Variants in ITPKA observed in about 807,000 individuals in gnomAD.
ITPKA encodes the protein IP3 3-kinase A.
A neutral mutation model predicts 40.7 loss-of-function variants in ITPKA; 16 were observed. The observed-to-expected ratio is 0.39, with a 90% CI of 0.27 to 0.60. The LOEUF (loss-of-function observed/expected upper bound fraction) is 0.60. Ranked by LOEUF, ITPKA falls within the 20% of genes least tolerant of loss-of-function variation. The pLI is 0.50. For synonymous variants in ITPKA, 313 were observed against 289.9 expected (o/e 1.08, Z -0.81); for missense variants, 540 against 649.3 (o/e 0.83, Z 1.83).
intron 1 of ITPKA, 84 bp from the exon 2 acceptor site, chr15:41,501,379 C>A (rs2051108797): frequency 6.5e-7 from 1 of 1,528,440 alleles, no homozygotes; most frequent in African/African-American, 1.4e-5. Context: ...GGGTCGGGGG[C>A]GTGGCGAGAC....
Position 41,494,155 on chromosome 15 carries a change from C to T in ITPKA, c.228C>T (p.Ala76=). ...VPNGLPRAPP[A]PVIPQLTVTA... ...ACGGGCTTCCGCGGGCTCCCCCGGC[C>T]CCGGTGATCCCTCAGCTGACCGTGA... The change falls in exon 1 of 7, where the codon GCC becomes GCT. Residue 76 remains alanine, a synonymous_variant. Transcript: ENST00000260386. The surrounding 1 kb of genome is among the most constrained non-coding windows in gnomAD (Gnocchi z 7.8). 6.8e-7 allele frequency: 1 copy of T among 1,476,128 alleles called. No homozygotes were observed. The highest frequency in any genetic ancestry group is 9.0e-7 in the Non-Finnish European group (1 of 1,117,228). 91.4% of individuals were successfully genotyped at this position (1,476,128 alleles called of 1,614,324 possible). A position where few individuals can be genotyped will look rare whatever the true frequency, so the allele number is the denominator to read the frequency against.
chr15:41,494,409 T>TG lies in ITPKA; in HGVS notation c.485dup (p.Gln163SerfsTer37), dbSNP rs1369003424. 6.8e-7 allele frequency: 1 copy of TG among 1,469,710 alleles called. No homozygotes were observed. The highest frequency in any genetic ancestry group is 9.0e-7 in the Non-Finnish European group (1 of 1,111,696). The allele number at this position is 1,469,710 out of a possible 1,614,324, so 91.0% of individuals were successfully genotyped here. A position where few individuals can be genotyped will look rare whatever the true frequency, so the allele number is the denominator to read the frequency against. On this transcript the variant is annotated frameshift_variant, in exon 1 of 7. Transcript: ENST00000260386. LOFTEE classifies it high-confidence loss of function. The surrounding 1 kb of genome is among the most constrained non-coding windows in gnomAD (Gnocchi z 7.8). Reference sequence around the variant, plus strand: ...GTGCAGCTGGAAGCGGGCGAGGACGTGGGTCAGGTACGGGCCGCGGGGGCG... The same window carrying TG: ...GTGCAGCTGGAAGCGGGCGAGGACGTGGGGTCAGGTACGGGCCGCGGGGGCG...
intron 1 of ITPKA, among the ~76,000 whole-genome samples, chr15:41,498,923 A>G (rs987439788): frequency 6.6e-6 from 1 of 152,212 alleles, no homozygotes; most frequent in Non-Finnish European, 1.5e-5. Flanking sequence ...TGATAGCTTC[A>G]GCCAGAGATT....
chr15:41,502,522 A>C lies in ITPKA; in HGVS notation c.1110+19A>C. ...AGTGCTGGTGAGAGCGGGATCCCAA[A>C]CCCTGAGGTGTTGGGGAGCCTGAAG... is the stretch of plus-strand genomic sequence containing the variant. On this transcript the variant is annotated intron_variant, in intron 5 of 6. Coordinates refer to ENST00000260386, the MANE Select transcript of ITPKA (RefSeq NM_002220.3). 1 of 1,416,216 alleles carries C rather than the reference A, an allele frequency of 7.1e-7. No homozygotes were observed. Among genetic ancestry groups the C allele is most frequent in the Non-Finnish European group, 1.0e-6 (1 of 1,001,468 alleles). 87.7% of individuals were successfully genotyped at this position (1,416,216 alleles called of 1,614,324 possible).
intron 1 of ITPKA, among the ~76,000 whole-genome samples, chr15:41,495,293 A>C (rs2051062856): frequency 6.6e-6 from 1 of 152,174 alleles, no homozygotes; most frequent in Non-Finnish European, 1.5e-5. Flanking sequence ...AGCGCGAAGG[A>C]CTTTCTTTAG....
At chr15:41,498,610 A>T (rs890818829) in intron 1 of ITPKA, among the ~76,000 whole-genome samples, 4 of 152,148 alleles carry the variant, frequency 2.6e-5, no homozygotes, top group African/African-American at 9.7e-5. Flanking sequence ...CCTCTTCACT[A>T]AGTCCATTCT....
chr15:41,494,446 G>A lies in ITPKA; in HGVS notation c.489+30G>A, dbSNP rs2051055807. 8 of 1,365,326 alleles carry A rather than the reference G, an allele frequency of 5.9e-6. No homozygotes were observed. Among genetic ancestry groups the A allele is most frequent in the African/African-American group, 1.5e-5 (1 of 65,620 alleles). The allele number at this position is 1,365,326 out of a possible 1,614,324, so 84.6% of individuals were successfully genotyped here. ...GGGCCGCGGGGGCGGGGCCAGCGCCGGGCGCGGGGGCTGCACGGGGGACCT... is the reference window on the plus strand; with the variant it reads ...GGGCCGCGGGGGCGGGGCCAGCGCCAGGCGCGGGGGCTGCACGGGGGACCT... On this transcript the variant is annotated intron_variant, in intron 1 of 6. Coordinates refer to ENST00000260386, the MANE Select transcript of ITPKA (RefSeq NM_002220.3). The surrounding 1 kb of genome is among the most constrained non-coding windows in gnomAD (Gnocchi z 7.8).
rs2051123375 is a variant in ITPKA, at chr15:41,502,459, C to T, written c.1066C>T (p.Leu356Phe). Residue 356 changes from leucine (L) to phenylalanine (F), a missense_variant, in exon 5 of 7, where the codon CTT (leucine) becomes TTT (phenylalanine). Coordinates refer to ENST00000260386, the MANE Select transcript of ITPKA (RefSeq NM_002220.3). Reference sequence around the variant, plus strand: ...GACTACGCGAAGCCGAGAGCAGGTGCTTCGCGTCTTTGAAGAGTTTGTGCA... The same window carrying T: ...GACTACGCGAAGCCGAGAGCAGGTGTTTCGCGTCTTTGAAGAGTTTGTGCA... ...FKTTRSREQV[L>F]RVFEEFVQGD... 2 of 1,603,628 alleles carry T rather than the reference C, an allele frequency of 1.2e-6. No homozygotes were observed. Among genetic ancestry groups the T allele is most frequent in the Non-Finnish European group, 1.7e-6 (2 of 1,171,190 alleles).
At chr15:41,495,613 C>T (rs997110418) in intron 1 of ITPKA, among the ~76,000 whole-genome samples, 1 of 151,154 alleles carries the variant, frequency 6.6e-6, no homozygotes, top group African/African-American at 2.4e-5. Flanking sequence ...GCCGCTTCCC[C>T]TTCTTCCCCG....
Position 41,494,200 on chromosome 15 carries a change from G to GC in ITPKA, c.278dup (p.Thr94AspfsTer53). On this transcript the variant is annotated frameshift_variant, in exon 1 of 7. Coordinates refer to ENST00000260386, the MANE Select transcript of ITPKA (RefSeq NM_002220.3). LOFTEE classifies it high-confidence loss of function. The surrounding 1 kb of genome is among the most constrained non-coding windows in gnomAD (Gnocchi z 7.8). ...CCGTGACAGCCGAGGAGCCCGACGT[G>GC]CCCCCGACCAGCCCTGGGCCGCCGG... 2 of 1,524,220 alleles carry GC rather than the reference G, an allele frequency of 1.3e-6. No individual in the cohort carries two copies. The highest frequency in any genetic ancestry group is 8.7e-7 in the Non-Finnish European group (1 of 1,143,058). 94.4% of individuals were successfully genotyped at this position (1,524,220 alleles called of 1,614,324 possible).
chr15:41,494,204 C>A lies in ITPKA; in HGVS notation c.277C>A (p.Pro93Thr). 1.3e-6 allele frequency: 2 copies of A among 1,526,014 alleles called. No homozygotes were observed. The highest frequency in any genetic ancestry group is 1.7e-6 in the Non-Finnish European group (2 of 1,143,810). The allele number at this position is 1,526,014 out of a possible 1,614,324, so 94.5% of individuals were successfully genotyped here. A position where few individuals can be genotyped will look rare whatever the true frequency, so the allele number is the denominator to read the frequency against. The change falls in exon 1 of 7, where the codon CCG becomes ACG. Residue 93 changes from proline to threonine, a missense_variant. Coordinates refer to ENST00000260386, the MANE Select transcript of ITPKA (RefSeq NM_002220.3). This position sits in a 1 kb window ranked among gnomAD's most constrained non-coding sequence, Gnocchi z 7.8. ...GACAGCCGAGGAGCCCGACGTGCCC[C>A]CGACCAGCCCTGGGCCGCCGGAGCG... ...TVTAEEPDVPPTSPGPPERER... is the reference protein window; with the variant it reads ...TVTAEEPDVPTTSPGPPERER...
intron 4 of ITPKA, 66 bp downstream of exon 4, chr15:41,502,267 GCTCCCGCCCCGCCTGCCCCTCCGCCCT>G (rs72308925): frequency 0.043 from 63,656 of 1,497,556 alleles, 1,538 homozygotes; most frequent in South Asian, 0.064. Context: ...CCGATCCCCC[GCTCCCGCCCCGCCTGCCCCTCCGCCCT>G]CTCCCACCGC....
Position 41,503,032 on chromosome 15 carries a change from G to C in ITPKA, c.1252G>C (p.Gly418Arg), listed in dbSNP as rs1170029913. 1.2e-6 allele frequency: 2 copies of C among 1,610,768 alleles called. No individual in the cohort carries two copies. The highest frequency in any genetic ancestry group is 1.7e-6 in the Non-Finnish European group (2 of 1,178,330). ...CGCCGGCGTGTGGCTCATCGACTTC[G>C]GCAAGACCACGCCCCTCCCCGATGG... Reference protein sequence around the residue: ...HRAGVWLIDFGKTTPLPDGQI... With the variant: ...HRAGVWLIDFRKTTPLPDGQI... The change falls in exon 7 of 7, where the codon GGC (glycine) becomes CGC (arginine). Residue 418 changes from glycine (G) to arginine (R), a missense_variant. Gly to Arg is a moderately radical substitution (Grantham distance 125). Transcript: ENST00000260386.
chr15:41,503,313 G>T lies in ITPKA; in HGVS notation c.*147G>T, dbSNP rs1017823077. On this transcript the variant is annotated 3_prime_UTR_variant, in exon 7 of 7. Transcript: ENST00000260386. ...GGACCAGGTGCCAGCCACTAAGGGG[G>T]GGCACCGCCGATGCCAGGGGTTTTG... 1 of 651,416 alleles carries T rather than the reference G, an allele frequency of 1.5e-6. No individual in the cohort carries two copies. The highest frequency in any genetic ancestry group is 2.9e-5 in the Admixed American group (1 of 34,134). 40.4% of individuals were successfully genotyped at this position (651,416 alleles called of 1,614,324 possible). A position where few individuals can be genotyped will look rare whatever the true frequency, so the allele number is the denominator to read the frequency against.
chr15:41,503,337 T>C lies in ITPKA; in HGVS notation c.*171T>C, dbSNP rs555630241. 88 of 614,716 alleles carry C rather than the reference T, an allele frequency of 1.4e-4. No homozygotes were observed. The highest frequency in any genetic ancestry group is 1.5e-4 in the Admixed American group (5 of 34,058). 38.1% of individuals were successfully genotyped at this position (614,716 alleles called of 1,614,324 possible). A position where few individuals can be genotyped will look rare whatever the true frequency, so the allele number is the denominator to read the frequency against. ...GGGGCACCGCCGATGCCAGGGGTTT[T>C]GCCCACCCGGGCCCCAGCGTTCCCA... is the stretch of plus-strand genomic sequence containing the variant. On this transcript the variant is annotated 3_prime_UTR_variant, in exon 7 of 7. Coordinates refer to ENST00000260386, the MANE Select transcript of ITPKA (RefSeq NM_002220.3).
At chr15:41,502,266 C>G in intron 4 of ITPKA, 65 bp downstream of exon 4, 1 of 1,486,466 alleles carries the variant, frequency 6.7e-7, no homozygotes, top group South Asian at 1.2e-5. Flanking sequence ...CCCGATCCCC[C>G]GCTCCCGCCC....
chr15:41,497,255 G>T (rs927422138), intron 1 of ITPKA, among the ~76,000 whole-genome samples: 4 of 152,210 alleles, frequency 2.6e-5, no homozygotes, highest in African/African-American at 9.6e-5. Context: ...CTGGCTGTGT[G>T]TTAGTCTCCC....
At position 41,501,448 on chromosome 15, in the gene ITPKA, C is replaced by A. The variant is rs2051109505; in HGVS notation, c.490-15C>A. 9 of 1,600,734 alleles carry A rather than the reference C, an allele frequency of 5.6e-6. 1 individual carries two copies. The highest frequency in any genetic ancestry group is 3.3e-4 in the Middle Eastern group (2 of 6,032). ...CGAGACGCCGATTATCAGACCTTGACCCTGTCGCTTTCAGAAAAACCACTG... is the reference window on the plus strand; with the variant it reads ...CGAGACGCCGATTATCAGACCTTGAACCTGTCGCTTTCAGAAAAACCACTG... On this transcript the variant is annotated splice_polypyrimidine_tract_variant and intron_variant, in intron 1 of 6. Coordinates refer to ENST00000260386, the MANE Select transcript of ITPKA (RefSeq NM_002220.3).
At position 41,502,108 on chromosome 15, in the gene ITPKA, C is replaced by T. The variant is rs2051117301; in HGVS notation, c.915C>T (p.His305=). 6.2e-7 allele frequency: 1 copy of T among 1,611,626 alleles called. No homozygotes were observed. Among genetic ancestry groups the T allele is most frequent in the Non-Finnish European group, 8.5e-7 (1 of 1,179,432 alleles). The change falls in exon 4 of 7, where the codon CAC becomes CAT. Residue 305 remains histidine, a synonymous_variant. Transcript: ENST00000260386. The part of the protein sequence containing the change: ...VDPEAPTEEE[H]AQRAVTKPRY... ...CTGAAGCTCCCACGGAGGAGGAGCA[C>T]GCGCAGCGCGCCGTCACCAAGCCGC...
Sources: gnomAD v4.1 joint callset for allele counts (sites outside exome capture counted in the v4.1 genomes callset) on GRCh38, gnomAD v4.1.1 for gene constraint, Gnocchi (gnomAD v3.1) non-coding constraint, MANE v1.5 for transcripts, NCBI Gene and HGNC (gene_info 2026-07-23, HGNC 2026-07-21) for gene names.